Variants in ABHD17A observed in about 807,000 individuals in gnomAD.
ABHD17A encodes abhydrolase domain containing 17A, depalmitoylase, also known as alpha/beta hydrolase domain-containing protein 17A.
A neutral mutation model predicts 26.8 loss-of-function variants in ABHD17A; 10 were observed. The ratio of observed to expected loss-of-function variants is 0.37; its 90% CI spans 0.23 to 0.63. The LOEUF is 0.63. ABHD17A is among the 30% of genes least tolerant of loss of function. ABHD17A has a pLI of 0.61. For missense variants in ABHD17A, 292 were observed against 457.3 expected (o/e 0.64, Z 3.30); for synonymous variants, 167 against 210.9 (o/e 0.79, Z 1.80).
In ABHD17A at chr19:1,879,756, T is replaced by A. The variant is rs2012468244; in HGVS notation, c.527+165A>T. 1.5e-6 allele frequency: 1 copy of A among 673,858 alleles called. No individual in the cohort carries two copies. Among genetic ancestry groups the A allele is most frequent in the South Asian group, 1.9e-5 (1 of 52,836 alleles). The allele number at this position is 673,858 out of a possible 1,614,324, so 41.7% of individuals were successfully genotyped here. A position where few individuals can be genotyped will look rare whatever the true frequency, so the allele number is the denominator to read the frequency against. On this transcript the variant is annotated intron_variant, in intron 3 of 4. Transcript: ENST00000292577. This position sits in a 1 kb window ranked among gnomAD's most constrained non-coding sequence, Gnocchi z 7.6. ...ACCTCAGCCATGTGGAGGCGGCACC[T>A]GCACACCCAAGCTCGCCTGTCCGGC...
At chr19:1,881,068 G>C (rs1173265602) in intron 2 of ABHD17A, 167 bp downstream of exon 2, 1 of 1,597,196 alleles carries the variant, frequency 6.3e-7, no homozygotes, top group African/African-American at 1.3e-5. Flanking sequence ...AAAATTGCCA[G>C]AGGGACGAGG....
chr19:1,881,838 G>C, intron 1 of ABHD17A, 34 bp from the exon 2 acceptor site: 1 of 419,392 alleles, frequency 2.4e-6, no homozygotes, highest in Non-Finnish European at 4.1e-6. Context: ...GGGTCCTTTG[G>C]GGGTGCCACA....
Position 1,881,687 on chromosome 19 carries a change from C to G in ABHD17A, c.-121G>C. On this transcript the variant is annotated 5_prime_UTR_variant, in exon 2 of 5. Coordinates refer to ENST00000292577, the MANE Select transcript of ABHD17A (RefSeq NM_001130111.2). The stretch of plus-strand genomic sequence containing the variant: ...GCGGGCAGGGGGGAGAGCGCCCCCC[C>G]AGCTACCGCCCCAGACAGCAGCCCC... The G allele has an allele frequency of 7.4e-7, 1 of 1,348,750 alleles. No homozygotes were observed. Among genetic ancestry groups the G allele is most frequent in the Non-Finnish European group, 9.6e-7 (1 of 1,046,134 alleles). The allele number at this position is 1,348,750 out of a possible 1,614,324, so 83.5% of individuals were successfully genotyped here. A position where few individuals can be genotyped will look rare whatever the true frequency, so the allele number is the denominator to read the frequency against.
chr19:1,883,594 A>C (rs2145398101), intron 1 of ABHD17A: 1 of 152,368 alleles, frequency 6.6e-6, no homozygotes, highest in South Asian at 2.1e-4. Flanking sequence ...CCAGGCCAGA[A>C]ACAAAGATGT....
Position 1,877,526 on chromosome 19 carries a change from C to T in ABHD17A, c.689G>A (p.Cys230Tyr). ...CGCTCACTTAGGGAAGGCGTCGAAGCAGTAGGTCTTCTTGGTGTCGGGGAA... is the reference window on the plus strand; with the variant it reads ...CGCTCACTTAGGGAAGGCGTCGAAGTAGTAGGTCTTCTTGGTGTCGGGGAA... ...VAFPDTKKTY[C>Y]FDAFPNIEKV... Residue 230 changes from cysteine to tyrosine, a missense_variant, in exon 4 of 5, where the codon TGC (cysteine) becomes TAC (tyrosine). Cys to Tyr is a radical substitution (Grantham distance 194, BLOSUM62 -2). This residue lies in a region of ABHD17A where 88 missense variants were observed against 134.3 expected (regional missense o/e 0.66). Coordinates refer to ENST00000292577, the MANE Select transcript of ABHD17A (RefSeq NM_001130111.2). 1 of 1,595,298 alleles carries T rather than the reference C, an allele frequency of 6.3e-7. No homozygotes were observed. The highest frequency in any genetic ancestry group is 8.5e-7 in the Non-Finnish European group (1 of 1,178,852).
chr19:1,876,931 C>A lies in ABHD17A; in HGVS notation c.*269G>T. The stretch of plus-strand genomic sequence containing the variant: ...CCGGCCCCCTTTCGAGCTCGCTGAG[C>A]GCTCGAGAGAGTGAGCAGAGCCATG... On this transcript the variant is annotated 3_prime_UTR_variant, in exon 5 of 5. Transcript: ENST00000292577. 1 of 487,586 alleles carries A rather than the reference C, an allele frequency of 2.1e-6. No individual in the cohort carries two copies. Among genetic ancestry groups the A allele is most frequent in the Non-Finnish European group, 3.7e-6 (1 of 270,736 alleles). The allele number at this position is 487,586 out of a possible 1,614,324, so 30.2% of individuals were successfully genotyped here.
At chr19:1,878,581 C>G (rs2012437289) in intron 3 of ABHD17A, 2 of 152,694 alleles carry the variant, frequency 1.3e-5, no homozygotes, top group Admixed American at 1.3e-4. Context: ...TCCCCTCTGC[C>G]TGGCATCTCC....
chr19:1,885,418 C>T lies in ABHD17A; in HGVS notation c.-305G>A, dbSNP rs1244593948. ...GGCTCCCGGCCGCCCGCCCGTGCGTCCGTCGGTCCCTCCGCACCCCTGCCC... is the reference window on the plus strand; with the variant it reads ...GGCTCCCGGCCGCCCGCCCGTGCGTTCGTCGGTCCCTCCGCACCCCTGCCC... On this transcript the variant is annotated 5_prime_UTR_variant, in exon 1 of 5. Transcript: ENST00000292577. The T allele has an allele frequency of 2.6e-5, 4 of 152,386 alleles. No individual in the cohort carries two copies. The highest frequency in any genetic ancestry group is 7.2e-5 in the African/African-American group (3 of 41,402). The allele number at this position is 152,386 out of a possible 1,614,324, so 9.4% of individuals were successfully genotyped here.
At chr19:1,884,533 T>C (rs1173875688) in intron 1 of ABHD17A, among the ~76,000 whole-genome samples, 6 of 152,114 alleles carry the variant, frequency 3.9e-5, no homozygotes, top group Admixed American at 6.6e-5. Flanking sequence ...GCCAAAATAC[T>C]GGAAGATGAC....
rs1044200124 is a variant in ABHD17A, at chr19:1,877,093, C to A, written c.*107G>T. 1.1e-4 allele frequency: 115 copies of A among 1,081,918 alleles called. No individual in the cohort carries two copies. Among genetic ancestry groups the A allele is most frequent in the Non-Finnish European group, 1.4e-4 (109 of 761,262 alleles). The allele number at this position is 1,081,918 out of a possible 1,614,324, so 67.0% of individuals were successfully genotyped here. A position where few individuals can be genotyped will look rare whatever the true frequency, so the allele number is the denominator to read the frequency against. On this transcript the variant is annotated 3_prime_UTR_variant, in exon 5 of 5. Coordinates refer to ENST00000292577, the MANE Select transcript of ABHD17A (RefSeq NM_001130111.2). The stretch of plus-strand genomic sequence containing the variant: ...CACAGCCCCTGGGTCGGGGCGGGGT[C>A]CCCTGGGCCGCCCGGGGGGTCCACA...
At chr19:1,883,418 G>A (rs2012593976) in intron 1 of ABHD17A, 1 of 152,422 alleles carries the variant, frequency 6.6e-6, no homozygotes, top group Non-Finnish European at 1.5e-5. Context: ...TATTCTCAAA[G>A]AGGTCCAGGC....
At chr19:1,884,109 C>T (rs948970883) in intron 1 of ABHD17A, among the ~76,000 whole-genome samples, 5 of 152,146 alleles carry the variant, frequency 3.3e-5, no homozygotes, top group Non-Finnish European at 7.3e-5. Context: ...GGGACAGGAC[C>T]CCTTACACGC....
rs201443342 is a variant in ABHD17A, at chr19:1,880,010, G to A, written c.438C>T (p.Asp146=). The change falls in exon 3 of 5, where the codon GAC becomes GAT. Residue 146 remains aspartate, a synonymous_variant. Transcript: ENST00000292577. This position sits in a 1 kb window ranked among gnomAD's most constrained non-coding sequence, Gnocchi z 4.1. ...SRLHCNIFSY[D]YSGYGASSGR... is the part of the protein sequence containing the mutation. The stretch of plus-strand genomic sequence containing the variant: ...CCGAGCTGGCACCGTAGCCGGAGTA[G>A]TCGTAGGAGAAGATGTTGCAGTGGA... The A allele has an allele frequency of 1.5e-5, 25 of 1,613,146 alleles. No homozygotes were observed. The highest frequency in any genetic ancestry group is 1.8e-5 in the Non-Finnish European group (21 of 1,180,022).
At position 1,879,011 on chromosome 19, in the gene ABHD17A, G is replaced by A; in HGVS notation, c.527+910C>T. On this transcript the variant is annotated intron_variant, in intron 3 of 4. Transcript: ENST00000292577. The surrounding 1 kb of genome is among the most constrained non-coding windows in gnomAD (Gnocchi z 7.6). ...GGCCCAGGCAGTAGAGACAGGAGGG[G>A]CCGAGGAAGTCGCATGAAGTGGTGA... 1 of 152,346 alleles carries A rather than the reference G, an allele frequency of 6.6e-6. No homozygotes were observed. 9.4% of individuals were successfully genotyped at this position (152,346 alleles called of 1,614,324 possible).
chr19:1,878,134 G>A lies in ABHD17A; in HGVS notation c.528-447C>T, dbSNP rs370471932. 281 of 174,044 alleles carry A rather than the reference G, an allele frequency of 1.6e-3. No individual in the cohort carries two copies. The East Asian group carries it at 0.021, about 13-fold the overall frequency. 10.8% of individuals were successfully genotyped at this position (174,044 alleles called of 1,614,324 possible). A position where few individuals can be genotyped will look rare whatever the true frequency, so the allele number is the denominator to read the frequency against. On this transcript the variant is annotated intron_variant, in intron 3 of 4. Transcript: ENST00000292577. Reference sequence around the variant, plus strand: ...AGGACAGCGGACACTATTCCTCCCTGCAGCCCTTGCCCACCCCCTTGGCCA... The same window carrying A: ...AGGACAGCGGACACTATTCCTCCCTACAGCCCTTGCCCACCCCCTTGGCCA...
chr19:1,877,716 GGCCTCCGACGCGCGC>G (rs1450599632), intron 3 of ABHD17A, 29 bp from the exon 4 acceptor site: 1 of 1,584,212 alleles, frequency 6.3e-7, no homozygotes, highest in Non-Finnish European at 8.5e-7. Context: ...GGTCAGCCGC[GGCCTCCGACGCGCGC>G]GCACCCTTCC....
At position 1,877,683 on chromosome 19, in the gene ABHD17A, C is replaced by A. The variant is rs755208797; in HGVS notation, c.532G>T (p.Gly178Cys). Residue 178 changes from glycine to cysteine, a missense_variant, in exon 4 of 5, where the codon GGC becomes TGC. Coordinates refer to ENST00000292577, the MANE Select transcript of ABHD17A (RefSeq NM_001130111.2). ...AAWQALRTRY[G>C]ISPDSIILYG... The stretch of plus-strand genomic sequence containing the variant: ...AGGATGATGCTGTCCGGGCTGATGC[C>A]GTACCTGGCGGCGCCGGAGCAGGGT... The A allele has an allele frequency of 6.3e-6, 10 of 1,588,266 alleles. No homozygotes were observed. Among genetic ancestry groups the A allele is most frequent in the East Asian group, 2.2e-5 (1 of 44,512 alleles).
At position 1,879,853 on chromosome 19, in the gene ABHD17A, C is replaced by T; in HGVS notation, c.527+68G>A. The T allele has an allele frequency of 6.7e-7, 1 of 1,485,460 alleles. No individual in the cohort carries two copies. Among genetic ancestry groups the T allele is most frequent in the Non-Finnish European group, 9.0e-7 (1 of 1,105,312 alleles). 92.0% of individuals were successfully genotyped at this position (1,485,460 alleles called of 1,614,324 possible). ...CCACCTTCCTCCCAGGGAAGCCCGC[C>T]CCCCGGCCCCCCGCCTGGTCCCCTC... On this transcript the variant is annotated intron_variant, in intron 3 of 4. Transcript: ENST00000292577. The surrounding 1 kb of genome is among the most constrained non-coding windows in gnomAD (Gnocchi z 7.6).
Position 1,877,496 on chromosome 19 carries a change from C to T in ABHD17A, c.707+12G>A, listed in dbSNP as rs764113510. 1.9e-6 allele frequency: 3 copies of T among 1,590,084 alleles called. No individual in the cohort carries two copies. The highest frequency in any genetic ancestry group is 2.2e-5 in the South Asian group (2 of 90,220). On this transcript the variant is annotated intron_variant, in intron 4 of 4. Coordinates refer to ENST00000292577, the MANE Select transcript of ABHD17A (RefSeq NM_001130111.2). Reference sequence around the variant, plus strand: ...GCCCCGCCCCGCCCCCGTCCCCGCCCGGGCCGCTCACTTAGGGAAGGCGTC... The same window carrying T: ...GCCCCGCCCCGCCCCCGTCCCCGCCTGGGCCGCTCACTTAGGGAAGGCGTC...
Sources: gnomAD v4.1 joint callset for allele counts (sites outside exome capture counted in the v4.1 genomes callset) on GRCh38, gnomAD v4.1.1 for gene constraint, gnomAD v4.1.1 regional missense constraint, Gnocchi (gnomAD v3.1) non-coding constraint, MANE v1.5 for transcripts, NCBI Gene and HGNC (gene_info 2026-07-23, HGNC 2026-07-21) for gene names.